The following ZBTB38 variants were observed in gnomAD, a reference collection of about 807,000 sequenced individuals.
ZBTB38 encodes zinc finger and BTB domain-containing protein 38.
Under a neutral mutation model 76.8 loss-of-function variants are expected in ZBTB38, and 20 were observed. The ratio of observed to expected loss-of-function variants is 0.26; its 90% CI spans 0.18 to 0.38. The LOEUF (loss-of-function observed/expected upper bound fraction) is 0.38, where lower values mean the gene tolerates loss of function less well. Among genes scored for constraint, ZBTB38 ranks in the 10% least tolerant of loss-of-function variants. ZBTB38 has a pLI of 1.00. For missense variants in ZBTB38, 1,082 were observed against 1,482.3 expected, an observed-to-expected ratio of 0.73 and a Z score of 4.43; for synonymous variants, 504 against 544.2, an observed-to-expected ratio of 0.93 and a Z score of 1.03.
chr3:141,353,023 C>T (rs532644654), intron 1 of ZBTB38, among the ~76,000 whole-genome samples: 3 of 152,130 alleles, frequency 2.0e-5, no homozygotes, highest in South Asian at 2.1e-4. Flanking sequence ...TTCCCCCATC[C>T]CCAAACCTTG....
chr3:141,342,731 T>TA (rs2148911474), intron 1 of ZBTB38, among the ~76,000 whole-genome samples: 1 of 147,932 alleles, frequency 6.8e-6, no homozygotes, highest in East Asian at 1.9e-4. Context: ...TGATCTTTTT[T>TA]TTTTTTTTTT....
intron 1 of ZBTB38, among the ~76,000 whole-genome samples, chr3:141,359,374 C>T (rs1426641845): frequency 1.3e-5 from 2 of 152,218 alleles, no homozygotes; most frequent in Admixed American, 1.3e-4. Flanking sequence ...CAGGATCATG[C>T]CACACATCCA....
intron 5 of ZBTB38, among the ~76,000 whole-genome samples, chr3:141,404,682 T>A (rs1054604145): frequency 1.3e-5 from 2 of 152,200 alleles, no homozygotes; most frequent in Non-Finnish European, 2.9e-5. Context: ...CAGTATTTTT[T>A]ATTTACCCCT....
intron 2 of ZBTB38, among the ~76,000 whole-genome samples, chr3:141,377,488 C>A (rs1041625483): frequency 8.5e-5 from 13 of 152,308 alleles, no homozygotes; most frequent in African/African-American, 2.9e-4. Flanking sequence ...CTGGATCTCT[C>A]CTACATTGCC....
intron 1 of ZBTB38, among the ~76,000 whole-genome samples, chr3:141,334,730 A>G (rs1942967612): frequency 1.3e-5 from 2 of 151,970 alleles, no homozygotes; most frequent in Admixed American, 1.3e-4. Flanking sequence ...AGCCCCCTGC[A>G]TGCGCTACAT....
intron 1 of ZBTB38, among the ~76,000 whole-genome samples, chr3:141,330,272 A>G (rs1409905940): frequency 6.6e-6 from 1 of 152,180 alleles, no homozygotes; most frequent in Non-Finnish European, 1.5e-5. Context: ...TGCAGCTGCA[A>G]TTAATGCGCT....
chr3:141,332,646 G>A (rs1942887313), intron 1 of ZBTB38, among the ~76,000 whole-genome samples: 1 of 152,190 alleles, frequency 6.6e-6, no homozygotes, highest in South Asian at 2.1e-4. Context: ...CTGCCGCCCT[G>A]AGCAATGCCC....
chr3:141,407,265 T>C (rs897369992), intron 5 of ZBTB38, among the ~76,000 whole-genome samples: 6 of 152,250 alleles, frequency 3.9e-5, no homozygotes, highest in Admixed American at 3.9e-4. Flanking sequence ...TACAATGGAA[T>C]GAGGAGACCG....
chr3:141,399,403 T>C (rs1016940458), intron 4 of ZBTB38, among the ~76,000 whole-genome samples: 6 of 152,158 alleles, frequency 3.9e-5, no homozygotes, highest in Non-Finnish European at 8.8e-5. Context: ...ATTCTAAACA[T>C]TGCCTCTTCA....
At chr3:141,340,992 G>GAA in intron 1 of ZBTB38, among the ~76,000 whole-genome samples, 1 of 80,082 alleles carries the variant, frequency 1.2e-5, no homozygotes, top group Non-Finnish European at 3.0e-5. Flanking sequence ...GAAAGAAAGA[G>GAA]AAAGAAGAAA....
chr3:141,436,510 T>TG (rs1044109687), intron 5 of ZBTB38, among the ~76,000 whole-genome samples: 4 of 152,192 alleles, frequency 2.6e-5, no homozygotes, highest in African/African-American at 9.7e-5. Context: ...TTGATTTTTT[T>TG]TGTGTGTGAC....
At chr3:141,326,452 C>G (rs1401197407) in intron 1 of ZBTB38, among the ~76,000 whole-genome samples, 5 of 152,062 alleles carry the variant, frequency 3.3e-5, no homozygotes, top group Non-Finnish European at 7.4e-5. Flanking sequence ...CTGGAGGGAA[C>G]AAAAGCAGGG....
chr3:141,377,087 C>G (rs1331152800), intron 2 of ZBTB38, among the ~76,000 whole-genome samples: 4 of 152,236 alleles, frequency 2.6e-5, no homozygotes, highest in South Asian at 2.1e-4. Flanking sequence ...TTTCACCTGC[C>G]CTACCCCATG....
At chr3:141,424,256 C>T (rs376174701) in intron 5 of ZBTB38, among the ~76,000 whole-genome samples, 1 of 152,190 alleles carries the variant, frequency 6.6e-6, no homozygotes, top group East Asian at 1.9e-4. Flanking sequence ...TGGTGGCTCA[C>T]ACCTGTAATC....
At chr3:141,421,763 G>A (rs114472763) in intron 5 of ZBTB38, among the ~76,000 whole-genome samples, 2,235 of 152,326 alleles carry the variant, frequency 0.015, 51 homozygotes, top group African/African-American at 0.051. Flanking sequence ...GTCAGAGTGC[G>A]TGTTCCACTA....
upstream of ZBTB38, among the ~76,000 whole-genome samples, chr3:141,364,288 G>A (rs2148966239): frequency 6.6e-6 from 1 of 151,034 alleles, no homozygotes; most frequent in East Asian, 2.0e-4. Context: ...AACCAGAAAT[G>A]AAATGACAAC....
chr3:141,350,986 C>A (rs1438475862), intron 1 of ZBTB38, among the ~76,000 whole-genome samples: 1 of 152,142 alleles, frequency 6.6e-6, no homozygotes. Flanking sequence ...CTGGAGAAGA[C>A]AGTTCACCAT....
intron 4 of ZBTB38, among the ~76,000 whole-genome samples, chr3:141,392,256 G>C (rs544433336): frequency 1.3e-5 from 2 of 152,266 alleles, no homozygotes; most frequent in African/African-American, 4.8e-5. Context: ...GGGGAAGGGG[G>C]CTGGTGGTAA....
intron 5 of ZBTB38, among the ~76,000 whole-genome samples, chr3:141,426,743 G>A (rs2076473878): frequency 6.6e-6 from 1 of 152,158 alleles, no homozygotes. Context: ...AGGTACTCAA[G>A]ACAAAGGCCA....
Sources: allele counts gnomAD v4.1 joint callset (sites outside exome capture counted in the v4.1 genomes callset), GRCh38; gene constraint gnomAD v4.1.1; transcripts MANE v1.5; gene names NCBI Gene and HGNC (gene_info 2026-07-23, HGNC 2026-07-21).